POU2F2: variants seen among roughly 807,000 people sequenced by gnomAD.
POU2F2 encodes POU class 2 homeobox 2.
POU2F2 carries 14 observed loss-of-function variants against 63.5 expected under a neutral mutation model. The observed-to-expected ratio is 0.22, with a 90% CI of 0.15 to 0.34. The LOEUF is 0.34. Ranked by LOEUF, POU2F2 falls within the 10% of genes least tolerant of loss-of-function variation. The pLI, the probability that POU2F2 is intolerant of heterozygous loss-of-function variation, is 1.00. For missense variants in POU2F2, 607 were observed against 815.2 expected (o/e 0.74, Z 3.11); for synonymous variants, 306 against 348.6 (o/e 0.88, Z 1.36).
chr19:42,133,240 C>T (rs999489492), upstream of POU2F2, among the ~76,000 whole-genome samples: 3 of 152,236 alleles, frequency 2.0e-5, no homozygotes, highest in Non-Finnish European at 4.4e-5. This position sits in a 1 kb window ranked among gnomAD's most constrained non-coding sequence, Gnocchi z 5.1. Context: ...TCCCTCCGTG[C>T]CCGCCAGAGG....
Position 42,089,369 on chromosome 19 carries a change from C to T in POU2F2, c.*1888G>A, listed in dbSNP as rs771623309. The T allele has an allele frequency of 6.6e-6, 1 of 152,580 alleles. No homozygotes were observed. Among genetic ancestry groups the T allele is most frequent in the Non-Finnish European group, 1.5e-5 (1 of 68,016 alleles). 9.5% of individuals were successfully genotyped at this position (152,580 alleles called of 1,614,324 possible). On this transcript the variant is annotated 3_prime_UTR_variant, in exon 15 of 15. Coordinates refer to ENST00000692977, the MANE Select transcript of POU2F2 (RefSeq NM_001394376.1). Reference sequence around the variant, plus strand: ...ACCCAAAAGTTGTTAAGTTTTCCTTCATCTGTTCTTTTTGCTTTCTTACTC... The same window carrying T: ...ACCCAAAAGTTGTTAAGTTTTCCTTTATCTGTTCTTTTTGCTTTCTTACTC...
At chr19:42,179,577 G>A (rs547275413), upstream of POU2F2, among the ~76,000 whole-genome samples, 19 of 152,156 alleles carry the variant, frequency 1.2e-4, no homozygotes, top group South Asian at 1.4e-3. Flanking sequence ...CACGCGCTGC[G>A]CGGTCTTGGC....
chr19:42,128,431 C>G (rs1035326901), intron 1 of POU2F2, among the ~76,000 whole-genome samples: 1 of 152,194 alleles, frequency 6.6e-6, no homozygotes, highest in Non-Finnish European at 1.5e-5. Flanking sequence ...ATCCCAACCA[C>G]TCCTACATAT....
intron 1 of POU2F2, among the ~76,000 whole-genome samples, chr19:42,181,328 C>G (rs2034957967): frequency 6.6e-6 from 1 of 152,200 alleles, no homozygotes; most frequent in African/African-American, 2.4e-5. Context: ...TAGCATAATT[C>G]CAGAAGTACC....
intron 7 of POU2F2, among the ~76,000 whole-genome samples, chr19:42,097,196 T>G (rs1419780652): frequency 6.7e-6 from 1 of 149,174 alleles, no homozygotes; most frequent in Non-Finnish European, 1.5e-5. Flanking sequence ...TTTTCAGTTT[T>G]TTTTTTTTTT....
At chr19:42,093,957 C>T in intron 11 of POU2F2, 62 bp from the exon 12 acceptor site, 1 of 1,430,030 alleles carries the variant, frequency 7.0e-7, no homozygotes. Context: ...CGTGATGCTC[C>T]CTGTAGGACC....
upstream of POU2F2, chr19:42,132,562 C>T: frequency 1.5e-6 from 1 of 649,670 alleles, no homozygotes; most frequent in Non-Finnish European, 2.3e-6. Flanking sequence ...CCCACAGACC[C>T]GCCCCGGCAG....
intron 5 of POU2F2, among the ~76,000 whole-genome samples, chr19:42,110,094 ATTT>A (rs760668134): frequency 3.5e-5 from 5 of 141,478 alleles, no homozygotes; most frequent in African/African-American, 2.6e-5. Context: ...CATCTCCACA[ATTT>A]TTTTTTTTTT....
At chr19:42,121,790 G>A (rs760016438) in intron 4 of POU2F2, among the ~76,000 whole-genome samples, 7 of 152,174 alleles carry the variant, frequency 4.6e-5, no homozygotes. Context: ...CACCTCAGCT[G>A]GCCGCTAAAT....
chr19:42,195,724 C>G (rs1185455242), intron 1 of POU2F2, among the ~76,000 whole-genome samples: 25 of 134,614 alleles, frequency 1.9e-4, no homozygotes, highest in Non-Finnish European at 3.8e-4. Context: ...CCACCACCTT[C>G]CCTCCCTCCC....
At chr19:42,144,926 C>A (rs1238796538) in intron 2 of POU2F2, among the ~76,000 whole-genome samples, 1 of 152,200 alleles carries the variant, frequency 6.6e-6, no homozygotes, top group Non-Finnish European at 1.5e-5. Flanking sequence ...GGGCCTCTTG[C>A]ATCTCTGCAA....
At chr19:42,196,404 T>C (rs2146834071) in exon 1 of POU2F2, 1 of 152,382 alleles carries the variant, frequency 6.6e-6, no homozygotes, top group South Asian at 2.1e-4. Flanking sequence ...TCCGTCTTAC[T>C]ACATCCCATT....
At chr19:42,134,940 T>TG (rs71336803), upstream of POU2F2, among the ~76,000 whole-genome samples, 1 of 151,612 alleles carries the variant, frequency 6.6e-6, no homozygotes, top group South Asian at 2.1e-4. Flanking sequence ...CGGGGAGTGG[T>TG]GGGGGGGAGC....
rs374780163 is a variant in POU2F2, at chr19:42,096,600, G to A, written c.568-357C>T. Among the ~76,000 whole-genome samples the A allele has an allele frequency of 1.3e-5, 2 of 152,326 alleles. No homozygotes were observed. ...CATCCTCATCTCAACCTGGGAATCA[G>A]GGACTGGCCCTGCCACCAAATCACT... is the stretch of plus-strand genomic sequence containing the variant. On this transcript the variant is annotated intron_variant, in intron 7 of 14. Coordinates refer to ENST00000692977, the MANE Select transcript of POU2F2 (RefSeq NM_001394376.1). This position sits in a 1 kb window ranked among gnomAD's most constrained non-coding sequence, Gnocchi z 4.1.
At chr19:42,196,222 A>C (rs1170547257) in intron 1 of POU2F2, among the ~76,000 whole-genome samples, 2 of 151,824 alleles carry the variant, frequency 1.3e-5, no homozygotes. Flanking sequence ...CCCCTCAAGG[A>C]CCTGTGGGCC....
At chr19:42,164,381 A>G (rs917078564) in intron 1 of POU2F2, among the ~76,000 whole-genome samples, 14 of 152,026 alleles carry the variant, frequency 9.2e-5, no homozygotes, top group African/African-American at 3.4e-4. Context: ...ACCTGAGGTC[A>G]GGAGTTTGAA....
chr19:42,178,124 T>C (rs1429378673), upstream of POU2F2, among the ~76,000 whole-genome samples: 1 of 147,944 alleles, frequency 6.8e-6, no homozygotes, highest in Non-Finnish European at 1.5e-5. Context: ...CACAGAAATA[T>C]AGAGACACAG....
In POU2F2 at chr19:42,155,725, C is replaced by T. The variant is rs1184906919; in HGVS notation, c.-9+4607G>A. 1 of 152,202 alleles carries T rather than the reference C, an allele frequency of 6.6e-6. No individual in the cohort carries two copies. The highest frequency in any genetic ancestry group is 1.5e-5 in the Non-Finnish European group (1 of 68,054). 9.4% of individuals were successfully genotyped at this position (152,202 alleles called of 1,614,324 possible). A position where few individuals can be genotyped will look rare whatever the true frequency, so the allele number is the denominator to read the frequency against. ...ACCCCAGGCCGGATCTCTGGATCTC[C>T]CCAGCCTCCAGATCTCAGTGTGGCT... On this transcript the variant is annotated intron_variant, in intron 2 of 6. Transcript: ENST00000524801. The surrounding 1 kb of genome is among the most constrained non-coding windows in gnomAD (Gnocchi z 4.2).
intron 1 of POU2F2, among the ~76,000 whole-genome samples, chr19:42,131,333 T>C (rs996136643): frequency 1.3e-5 from 2 of 152,008 alleles, no homozygotes; most frequent in African/African-American, 4.8e-5. Context: ...AACTACTCAA[T>C]AGATACATGT....
Sources: allele counts gnomAD v4.1 joint callset (sites outside exome capture counted in the v4.1 genomes callset), GRCh38; gene constraint gnomAD v4.1.1; non-coding constraint Gnocchi (gnomAD v3.1); transcripts MANE v1.5; gene names NCBI Gene and HGNC (gene_info 2026-07-23, HGNC 2026-07-21).